DCX: variants seen among roughly 807,000 people sequenced by gnomAD.
DCX encodes the protein doublecortin.
A neutral mutation model predicts 20.9 loss-of-function variants in DCX; 4 were observed. The ratio of observed to expected loss-of-function variants is 0.19; its 90% confidence interval spans 0.09 to 0.44. The LOEUF (loss-of-function observed/expected upper bound fraction) is 0.44, where lower values mean the gene tolerates loss of function less well. DCX is among the 20% of genes least tolerant of loss of function. The probability of loss-of-function intolerance (pLI) is 0.99; values close to 1 mark genes in which losing one functional copy is unlikely to be tolerated. For synonymous variants in DCX, 103 were observed against 111.4 expected (o/e 0.92, Z 0.47); for missense variants, 133 against 296.9 (o/e 0.45, Z 4.06).
intron 3 of DCX, among the ~76,000 whole-genome samples, chrX:111,360,549 A>T (rs1332027530): frequency 2.7e-5 from 3 of 111,675 alleles, no homozygotes; most frequent in Non-Finnish European, 5.6e-5. Flanking sequence ...GGGTGACCAT[A>T]GTCAACAATA....
rs527391767 is a variant in DCX at position 111,393,783 on chromosome X, A to G, written c.705+7207T>C. On this transcript the variant is annotated intron_variant, in intron 3 of 6. Coordinates refer to ENST00000636035, the MANE Select transcript of DCX (RefSeq NM_001195553.2). Reference sequence around the variant, plus strand: ...ACTAGGGAAATGCAAACAAATCAAGAAAAACCACAATCAGATACCACTTCA... The same window carrying G: ...ACTAGGGAAATGCAAACAAATCAAGGAAAACCACAATCAGATACCACTTCA... Among the ~76,000 whole-genome samples the G allele has an allele frequency of 6.2e-4, 69 of 111,414 alleles. 2 individuals carry two copies. In the South Asian group the frequency reaches 0.025, roughly 40 times the overall value.
chrX:111,301,437 T>A lies in DCX; in HGVS notation c.*250A>T. ...AGGTCATGGACTAGCACATTTTGCA[T>A]CCCTGGAATGCTGCCCCAAAGGATG... On this transcript the variant is annotated 3_prime_UTR_variant, in exon 7 of 7. Transcript: ENST00000636035. 1 of 426,820 alleles carries A rather than the reference T, an allele frequency of 2.3e-6. No individual in the cohort carries two copies. Among genetic ancestry groups the A allele is most frequent in the Non-Finnish European group, 4.2e-6 (1 of 240,704 alleles). 35.2% of individuals were successfully genotyped at this position (426,820 alleles called of 1,213,427 possible). A position where few individuals can be genotyped will look rare whatever the true frequency, so the allele number is the denominator to read the frequency against.
rs144947608 is a variant in DCX at position 111,341,162 on chromosome X, G to C, written c.706-8009C>G. The stretch of plus-strand genomic sequence containing the variant: ...GAGGAGCTGCTAACTAGAATAGTCA[G>C]TTTAGAGAGGAACATAAATGACCTG... On this transcript the variant is annotated intron_variant, in intron 3 of 6. Coordinates refer to ENST00000636035, the MANE Select transcript of DCX (RefSeq NM_001195553.2). Among the ~76,000 whole-genome samples, 173 of 110,128 alleles carry C rather than the reference G, an allele frequency of 1.6e-3. 1 individual carries two copies. The highest frequency in any genetic ancestry group is 5.5e-3 in the African/African-American group (166 of 30,252).
intron 6 of DCX, among the ~76,000 whole-genome samples, chrX:111,311,731 T>G (rs2095058163): frequency 8.9e-6 from 1 of 112,665 alleles, no homozygotes; most frequent in African/African-American, 3.2e-5. Context: ...TAAGATTATT[T>G]AGAGAATCAA....
intron 6 of DCX, among the ~76,000 whole-genome samples, chrX:111,304,943 G>C (rs889473757): frequency 8.9e-6 from 1 of 111,767 alleles, no homozygotes; most frequent in Non-Finnish European, 1.9e-5. Context: ...CAAGCGGCAA[G>C]AGAATGCTAA....
At chrX:111,392,113 C>T (rs1487415281) in intron 3 of DCX, among the ~76,000 whole-genome samples, 1 of 111,188 alleles carries the variant, frequency 9.0e-6, no homozygotes, top group East Asian at 2.8e-4. Context: ...ATAAAGAAAC[C>T]TTCATGTTTC....
chrX:111,373,065 GA>G (rs1299858344), intron 3 of DCX, among the ~76,000 whole-genome samples: 1 of 108,588 alleles, frequency 9.2e-6, no homozygotes, highest in East Asian at 2.9e-4. Flanking sequence ...GAAATGAAAT[GA>G]AATGAAATGA....
At chrX:111,399,039 A>G (rs368098230) in intron 3 of DCX, among the ~76,000 whole-genome samples, 12 of 111,072 alleles carry the variant, frequency 1.1e-4, no homozygotes, top group African/African-American at 3.3e-4. Context: ...GCTTGAACTC[A>G]GGAGGCAGAG....
intron 3 of DCX, among the ~76,000 whole-genome samples, chrX:111,338,287 G>C (rs1921908129): frequency 8.9e-6 from 1 of 111,832 alleles, no homozygotes; most frequent in Admixed American, 9.5e-5. Flanking sequence ...GAGTGTCTAT[G>C]AGGAGGAGTG....
chrX:111,346,229 T>C (rs1446513600), intron 3 of DCX, among the ~76,000 whole-genome samples: 1 of 111,828 alleles, frequency 8.9e-6, no homozygotes, highest in African/African-American at 3.3e-5. Context: ...GTGCAGAAGC[T>C]CTTTAGTTTA....
At chrX:111,409,405 T>C (rs1187189206) in intron 2 of DCX, among the ~76,000 whole-genome samples, 2 of 111,457 alleles carry the variant, frequency 1.8e-5, no homozygotes, top group Non-Finnish European at 3.8e-5. Context: ...TCAAATCCTA[T>C]TCTAATAGGA....
At chrX:111,392,200 G>T (rs1430554159) in intron 3 of DCX, among the ~76,000 whole-genome samples, 2 of 111,629 alleles carry the variant, frequency 1.8e-5, no homozygotes, top group Non-Finnish European at 1.9e-5. Flanking sequence ...TTCTTTGTTT[G>T]GAGCATGCCT....
At chrX:111,348,914 C>T (rs1406949463) in intron 3 of DCX, among the ~76,000 whole-genome samples, 2 of 110,283 alleles carry the variant, frequency 1.8e-5, no homozygotes, top group Non-Finnish European at 3.8e-5. Flanking sequence ...TTATTGTCTA[C>T]CTGCATTCTA....
rs761424758 is a variant in DCX at position 111,293,996 on chromosome X, T to C, written c.*7691A>G. On this transcript the variant is annotated 3_prime_UTR_variant, in exon 7 of 7. Transcript: ENST00000636035. ...TTCTCTAGACAACCTTGAAGTCCTCTGACCCAAGAAAGCCCTCATTGAATT... is the reference window on the plus strand; with the variant it reads ...TTCTCTAGACAACCTTGAAGTCCTCCGACCCAAGAAAGCCCTCATTGAATT... 9.0e-6 allele frequency: 1 copy of C among 111,618 alleles called. No individual in the cohort carries two copies. Among genetic ancestry groups the C allele is most frequent in the Admixed American group, 9.6e-5 (1 of 10,402 alleles). The allele number at this position is 111,618 out of a possible 1,213,427, so 9.2% of individuals were successfully genotyped here.
chrX:111,379,039 C>T (rs192053200), intron 3 of DCX, among the ~76,000 whole-genome samples: 59 of 111,663 alleles, frequency 5.3e-4, no homozygotes, highest in African/African-American at 1.9e-3. Context: ...TTCTTGTCTC[C>T]AGAACTGTGA....
Position 111,293,879 on chromosome X carries a change from A to T in DCX, c.*7808T>A, listed in dbSNP as rs2095013784. On this transcript the variant is annotated 3_prime_UTR_variant, in exon 7 of 7. Transcript: ENST00000636035. ...TGAAGAACAGAGCTTGAGAGCCAAA[A>T]TAATTGCAAGAGCAGCTCTTTGGCT... The T allele has an allele frequency of 8.8e-6, 1 of 113,298 alleles. No individual in the cohort carries two copies. Among genetic ancestry groups the T allele is most frequent in the Non-Finnish European group, 1.9e-5 (1 of 53,433 alleles). The allele number at this position is 113,298 out of a possible 1,213,427, so 9.3% of individuals were successfully genotyped here. A position where few individuals can be genotyped will look rare whatever the true frequency, so the allele number is the denominator to read the frequency against.
At chrX:111,363,540 A>AACAAG (rs1306271218) in intron 3 of DCX, among the ~76,000 whole-genome samples, 1 of 107,232 alleles carries the variant, frequency 9.3e-6, no homozygotes, top group Non-Finnish European at 1.9e-5. Flanking sequence ...GTTCTGTTTG[A>AACAAG]GTTTTTGGAA....
intron 3 of DCX, among the ~76,000 whole-genome samples, chrX:111,369,214 C>A (rs1924879273): frequency 9.0e-6 from 1 of 110,682 alleles, no homozygotes; most frequent in African/African-American, 3.3e-5. Flanking sequence ...CTTTCCTAGC[C>A]CACTGACTCA....
chrX:111,318,179 G>A (rs1167337640), intron 5 of DCX, among the ~76,000 whole-genome samples: 2 of 89,573 alleles, frequency 2.2e-5, no homozygotes, highest in Non-Finnish European at 4.3e-5. Flanking sequence ...AGTGAGACTC[G>A]GTCTCAAAAA....
Sources: allele counts gnomAD v4.1 joint callset (sites outside exome capture counted in the v4.1 genomes callset), GRCh38; gene constraint gnomAD v4.1.1; transcripts MANE v1.5; gene names NCBI Gene and HGNC (gene_info 2026-07-23, HGNC 2026-07-21).